The following PLCB1 variants were observed in gnomAD, a reference collection of about 807,000 sequenced individuals.
PLCB1 encodes 1-phosphatidylinositol 4,5-bisphosphate phosphodiesterase beta-1.
PLCB1 carries 46 observed loss-of-function variants against 161.8 expected under a neutral mutation model. That is an observed-to-expected ratio of 0.28 (90% CI 0.22 to 0.36). The LOEUF is 0.36. Among genes scored for constraint, PLCB1 ranks in the 10% least tolerant of loss-of-function variants. The pLI is 1.00. For synonymous variants in PLCB1, 517 were observed against 503.7 expected, an observed-to-expected ratio of 1.03 and a Z score of -0.35; for missense variants, 1,016 against 1,472.5, an observed-to-expected ratio of 0.69 and a Z score of 5.07.
intron 3 of PLCB1, among the ~76,000 whole-genome samples, chr20:8,395,299 A>G (rs965530861): frequency 1.3e-5 from 2 of 151,994 alleles, no homozygotes; most frequent in Admixed American, 6.6e-5. Flanking sequence ...ATGCTTCTCT[A>G]TTAATCAATT....
chr20:8,413,109 T>C (rs1380632670), intron 3 of PLCB1, among the ~76,000 whole-genome samples: 6 of 152,210 alleles, frequency 3.9e-5, no homozygotes, highest in Non-Finnish European at 1.5e-5. Context: ...TTTACTTTGT[T>C]TTCATAGCTA....
Position 8,661,065 on chromosome 20 carries a change from G to A in PLCB1, c.862+2361G>A, listed in dbSNP as rs77420915. 2.3e-3 allele frequency among the ~76,000 whole-genome samples: 350 copies of A among 152,274 alleles called. 1 individual carries two copies. Among genetic ancestry groups the A allele is most frequent in the African/African-American group, 8.0e-3 (334 of 41,550 alleles). On this transcript the variant is annotated intron_variant, in intron 9 of 31. Transcript: ENST00000338037. Reference sequence around the variant, plus strand: ...AGAAGAATCTGGGCCTGTGTAATGTGATAAATAAGTGTTAACTCTTCTCAA... The same window carrying A: ...AGAAGAATCTGGGCCTGTGTAATGTAATAAATAAGTGTTAACTCTTCTCAA...
intron 2 of PLCB1, among the ~76,000 whole-genome samples, chr20:8,208,712 A>C (rs1274685143): frequency 6.6e-6 from 1 of 152,124 alleles, no homozygotes; most frequent in Non-Finnish European, 1.5e-5. Flanking sequence ...ACATACACAA[A>C]CATAAGAAAA....
chr20:8,693,947 T>C (rs1034540667), intron 10 of PLCB1, among the ~76,000 whole-genome samples: 2 of 152,206 alleles, frequency 1.3e-5, no homozygotes, highest in Non-Finnish European at 2.9e-5. Flanking sequence ...TTCCAGAGGA[T>C]GTTCAGAGCC....
chr20:8,465,239 G>C (rs140959108), intron 3 of PLCB1, among the ~76,000 whole-genome samples: 4 of 152,204 alleles, frequency 2.6e-5, no homozygotes, highest in Non-Finnish European at 5.9e-5. Context: ...TCAAGTAGCT[G>C]TCCACAGAGG....
At chr20:8,432,451 G>T (rs573845732) in intron 3 of PLCB1, among the ~76,000 whole-genome samples, 5 of 152,076 alleles carry the variant, frequency 3.3e-5, no homozygotes, top group Admixed American at 2.0e-4. Context: ...TTCTATCCGA[G>T]CCCCACCCTT....
chr20:8,354,986 G>A (rs1373063274), intron 2 of PLCB1, among the ~76,000 whole-genome samples: 1 of 152,168 alleles, frequency 6.6e-6, no homozygotes, highest in African/African-American at 2.4e-5. Context: ...TACCAAGTCA[G>A]AGAAGTGGTT....
chr20:8,881,377 A>C (rs527734339), intron 31 of PLCB1, among the ~76,000 whole-genome samples: 2 of 140,446 alleles, frequency 1.4e-5, no homozygotes, highest in African/African-American at 5.0e-5. Context: ...AGATACCGCT[A>C]TTCATCTTAT....
chr20:8,480,089 G>T (rs746805008), intron 3 of PLCB1, among the ~76,000 whole-genome samples: 25 of 152,248 alleles, frequency 1.6e-4, no homozygotes, highest in African/African-American at 6.0e-4. Flanking sequence ...CTCTAGGGTC[G>T]CCAGGTAATA....
intron 31 of PLCB1, among the ~76,000 whole-genome samples, chr20:8,847,982 G>A (rs1568623675): frequency 6.6e-6 from 1 of 152,210 alleles, no homozygotes; most frequent in Non-Finnish European, 1.5e-5. Flanking sequence ...GGTAAGGGCT[G>A]CATCTTCCAG....
At chr20:8,540,983 C>T (rs752891881) in intron 3 of PLCB1, among the ~76,000 whole-genome samples, 23 of 152,166 alleles carry the variant, frequency 1.5e-4, no homozygotes, top group Admixed American at 2.6e-4. Context: ...GCCTGGCTCT[C>T]AGTGGCATGT....
chr20:8,518,553 AT>A (rs1456654428), intron 3 of PLCB1, among the ~76,000 whole-genome samples: 1 of 152,022 alleles, frequency 6.6e-6, no homozygotes, highest in African/African-American at 2.4e-5. Context: ...GAAAGATTTC[AT>A]TAGTTCATTA....
intron 3 of PLCB1, among the ~76,000 whole-genome samples, chr20:8,410,382 G>T (rs1978990090): frequency 6.6e-6 from 1 of 152,098 alleles, no homozygotes; most frequent in Non-Finnish European, 1.5e-5. Context: ...CCTATTAAGA[G>T]TACAAGAGAG....
At chr20:8,340,237 A>C (rs1985749214) in intron 2 of PLCB1, among the ~76,000 whole-genome samples, 1 of 152,174 alleles carries the variant, frequency 6.6e-6, no homozygotes, top group Non-Finnish European at 1.5e-5. Context: ...AGACAATTGT[A>C]ATGAAACAAG....
At chr20:8,364,904 A>G (rs892382329) in intron 2 of PLCB1, among the ~76,000 whole-genome samples, 1 of 152,216 alleles carries the variant, frequency 6.6e-6, no homozygotes, top group Non-Finnish European at 1.5e-5. Context: ...TTAAGTTTTT[A>G]TGAAGTAGCT....
rs566367992 is a variant in PLCB1, at chr20:8,323,377, A to G, written c.178-48005A>G. Among the ~76,000 whole-genome samples, 9 of 152,244 alleles carry G rather than the reference A, an allele frequency of 5.9e-5. No individual in the cohort carries two copies. In the South Asian group the frequency reaches 1.9e-3, roughly 32 times the overall value. ...CTGTGGGTCAACTAGTCCAGGCTAG[A>G]TAATAATCTTTCCACGTCCCTCAGG... On this transcript the variant is annotated intron_variant, in intron 2 of 31. Coordinates refer to ENST00000338037, the MANE Select transcript of PLCB1 (RefSeq NM_015192.4).
chr20:8,646,242 C>T (rs1873685384), intron 5 of PLCB1, 61 bp downstream of exon 5: 1 of 1,106,080 alleles, frequency 9.0e-7, no homozygotes, highest in South Asian at 1.2e-5. Flanking sequence ...TTCCTTTCTC[C>T]TTTGTGAGTC....
intron 3 of PLCB1, among the ~76,000 whole-genome samples, chr20:8,579,118 A>C (rs1910934016): frequency 6.6e-6 from 1 of 152,222 alleles, no homozygotes; most frequent in South Asian, 2.1e-4. Flanking sequence ...ACCTCCCTGG[A>C]TCCATGCCCT....
chr20:8,555,481 A>G (rs990052788), intron 3 of PLCB1, among the ~76,000 whole-genome samples: 3 of 152,088 alleles, frequency 2.0e-5, no homozygotes, highest in Non-Finnish European at 2.9e-5. Flanking sequence ...CTCACTCAAC[A>G]TGGGATGGGG....
Sources: gnomAD v4.1 joint callset for allele counts (sites outside exome capture counted in the v4.1 genomes callset) on GRCh38, gnomAD v4.1.1 for gene constraint, MANE v1.5 for transcripts, NCBI Gene and HGNC (gene_info 2026-07-23, HGNC 2026-07-21) for gene names.